The following SRPRA variants were observed in gnomAD, a reference collection of about 807,000 sequenced individuals.
The protein encoded by SRPRA is signal recognition particle receptor subunit alpha.
A neutral mutation model predicts 61.1 loss-of-function variants in SRPRA; 30 were observed. The observed-to-expected ratio is 0.49, with a 90% CI of 0.37 to 0.67. The LOEUF (loss-of-function observed/expected upper bound fraction) is 0.67, where lower values mean the gene tolerates loss of function less well. Among genes scored for constraint, SRPRA ranks in the 30% least tolerant of loss-of-function variants. The pLI is 0.00. For missense variants in SRPRA, 759 were observed against 828.4 expected (o/e 0.92, Z 1.03); for synonymous variants, 324 against 299.7 (o/e 1.08, Z -0.84).
the SRPRA span, among the ~76,000 whole-genome samples, chr11:126,245,894 G>A: frequency 6.6e-6 from 1 of 151,780 alleles, no homozygotes; most frequent in Non-Finnish European, 1.5e-5. Flanking sequence ...TACTGGGGAG[G>A]CTGAGGCAGG....
the SRPRA span, among the ~76,000 whole-genome samples, chr11:126,237,601 C>T: frequency 1.5e-4 from 20 of 132,868 alleles, no homozygotes; most frequent in Non-Finnish European, 2.2e-4. Context: ...CTTTGGGAGG[C>T]TGAGGTGGGC....
chr11:126,264,549 G>T lies in SRPRA; in HGVS notation c.1526-10C>A. On this transcript the variant is annotated splice_polypyrimidine_tract_variant and intron_variant, in intron 11 of 13. Transcript: ENST00000332118. This position sits in a 1 kb window ranked among gnomAD's most constrained non-coding sequence, Gnocchi z 5.0. ...AAGCCTTGGTTACGTGCTAGAGAAA[G>T]AAAGTAGTCAACTCTGAACACCTGG... 6.2e-7 allele frequency: 1 copy of T among 1,612,028 alleles called. No homozygotes were observed. The highest frequency in any genetic ancestry group is 8.5e-7 in the Non-Finnish European group (1 of 1,179,836).
Position 126,266,029 on chromosome 11 carries a change from C to G in SRPRA, c.985G>C (p.Gly329Arg). Reference sequence around the variant, plus strand: ...TCTTCACGACTCAAGCTCTTTGAACCCACAAGGCCCTTCAGCATACCAAAC... The same window carrying G: ...TCTTCACGACTCAAGCTCTTTGAACGCACAAGGCCCTTCAGCATACCAAAC... ...GMFGMLKGLV[G>R]SKSLSREDME... Residue 329 changes from glycine to arginine, a missense_variant, in exon 8 of 14, where the codon GGT (glycine) becomes CGT (arginine). By Grantham distance (125) the Gly-to-Arg change is moderately radical (BLOSUM62 -2). Around this residue, in one of 2 missense-constraint regions of SRPRA, gnomAD observed 475 missense variants for 462.5 expected, o/e 1.03. Coordinates refer to ENST00000332118, the MANE Select transcript of SRPRA (RefSeq NM_003139.4). 1 of 1,614,176 alleles carries G rather than the reference C, an allele frequency of 6.2e-7. No homozygotes were observed. Among genetic ancestry groups the G allele is most frequent in the South Asian group, 1.1e-5 (1 of 91,082 alleles).
Position 126,264,367 on chromosome 11 carries a change from C to G in SRPRA, c.1689+9G>C. On this transcript the variant is annotated intron_variant, in intron 12 of 13. Coordinates refer to ENST00000332118, the MANE Select transcript of SRPRA (RefSeq NM_003139.4). The surrounding 1 kb of genome is among the most constrained non-coding windows in gnomAD (Gnocchi z 5.0). The stretch of plus-strand genomic sequence containing the variant: ...CAAGTTGTAAAGGGAACTGGGCCCA[C>G]GCTCTCACCAGCTGGTCCACGGCTT... The G allele has an allele frequency of 1.2e-6, 2 of 1,614,126 alleles. No individual in the cohort carries two copies. The highest frequency in any genetic ancestry group is 1.7e-6 in the Non-Finnish European group (2 of 1,179,992).
chr11:126,264,852 G>A lies in SRPRA; in HGVS notation c.1525+107C>T. 1 of 1,096,374 alleles carries A rather than the reference G, an allele frequency of 9.1e-7. No individual in the cohort carries two copies. Among genetic ancestry groups the A allele is most frequent in the East Asian group, 2.6e-5 (1 of 38,968 alleles). The allele number at this position is 1,096,374 out of a possible 1,614,324, so 67.9% of individuals were successfully genotyped here. A position where few individuals can be genotyped will look rare whatever the true frequency, so the allele number is the denominator to read the frequency against. The stretch of plus-strand genomic sequence containing the variant: ...ACTGATCTGACTTTTTACTGTAATT[G>A]ACCAACGAGTCTGTAGTAGCACAAG... On this transcript the variant is annotated intron_variant, in intron 11 of 13. Coordinates refer to ENST00000332118, the MANE Select transcript of SRPRA (RefSeq NM_003139.4). This position sits in a 1 kb window ranked among gnomAD's most constrained non-coding sequence, Gnocchi z 5.0.
At chr11:126,241,725 T>G in the SRPRA span, among the ~76,000 whole-genome samples, 1 of 152,114 alleles carries the variant, frequency 6.6e-6, no homozygotes, top group African/African-American at 2.4e-5. Flanking sequence ...AATTTTTGTA[T>G]TTTTAGTAGA....
chr11:126,241,865 A>T, the SRPRA span, among the ~76,000 whole-genome samples: 1 of 151,958 alleles, frequency 6.6e-6, no homozygotes, highest in African/African-American at 2.4e-5. Flanking sequence ...TAAAATCTTA[A>T]AAATCAGGCT....
the SRPRA span, among the ~76,000 whole-genome samples, chr11:126,237,676 C>G: frequency 2.1e-5 from 1 of 46,514 alleles, no homozygotes; most frequent in African/African-American, 8.8e-5. Context: ...AACCCTGTCT[C>G]TACTAAAAAA....
the SRPRA span, chr11:126,245,201 ACT>A: frequency 6.6e-6 from 1 of 151,422 alleles, no homozygotes; most frequent in Non-Finnish European, 1.5e-5. Context: ...GCAGGTCAAA[ACT>A]CTCATGCTGA....
chr11:126,265,075 C>T lies in SRPRA; in HGVS notation c.1409G>A (p.Arg470Gln), dbSNP rs865950252. The T allele has an allele frequency of 1.4e-5, 22 of 1,614,016 alleles. No individual in the cohort carries two copies. Among genetic ancestry groups the T allele is most frequent in the African/African-American group, 2.7e-5 (2 of 74,890 alleles). The change falls in exon 11 of 14, where the codon CGG becomes CAG. Residue 470 changes from arginine (R) to glutamine (Q), a missense_variant. This residue lies in a region of SRPRA where 284 missense variants were observed against 365.9 expected (regional missense o/e 0.78). Transcript: ENST00000332118. This position sits in a 1 kb window ranked among gnomAD's most constrained non-coding sequence, Gnocchi z 6.3. Reference sequence around the variant, plus strand: ...TGGAGGGTGTAGGGCACTCAAACGCCGGGTGTGTGTACGCAGCTGCTCCAC... The same window carrying T: ...TGGAGGGTGTAGGGCACTCAAACGCTGGGTGTGTGTACGCAGCTGCTCCAC... ...GAVEQLRTHT[R>Q]RLSALHPPEK...
the SRPRA span, among the ~76,000 whole-genome samples, chr11:126,249,731 CAAA>C: frequency 7.6e-5 from 6 of 79,012 alleles, no homozygotes; most frequent in African/African-American, 1.5e-4. Context: ...GACTCCGTCT[CAAA>C]AAAAAAAAAA....
downstream of SRPRA, chr11:126,262,097 T>C (rs751780681): frequency 1.9e-6 from 3 of 1,614,042 alleles, no homozygotes; most frequent in East Asian, 6.7e-5. Context: ...CTTCATTTTG[T>C]TCTCTTTTCT....
At chr11:126,266,944 G>T in intron 4 of SRPRA, 22 bp from the exon 5 acceptor site, 1 of 1,601,722 alleles carries the variant, frequency 6.2e-7, no homozygotes, top group Non-Finnish European at 8.5e-7. Flanking sequence ...AAAACTCACT[G>T]AAGAAAAAAG....
chr11:126,251,329 T>C, the SRPRA span, among the ~76,000 whole-genome samples: 2 of 152,256 alleles, frequency 1.3e-5, no homozygotes, highest in African/African-American at 2.4e-5. Flanking sequence ...TCCTACACTT[T>C]GTTTTCCTCA....
At chr11:126,247,454 C>T in the SRPRA span, among the ~76,000 whole-genome samples, 2 of 152,160 alleles carry the variant, frequency 1.3e-5, no homozygotes, top group African/African-American at 4.8e-5. Flanking sequence ...AGGTTTTAAC[C>T]TTTTCTATTC....
chr11:126,249,502 G>A, the SRPRA span, among the ~76,000 whole-genome samples: 11 of 151,990 alleles, frequency 7.2e-5, no homozygotes, highest in Non-Finnish European at 1.2e-4. Context: ...GGAGGCTGAG[G>A]TGAGTGGATC....
the SRPRA span, among the ~76,000 whole-genome samples, chr11:126,245,865 G>A: frequency 0.055 from 8,376 of 151,738 alleles, 367 homozygotes; most frequent in East Asian, 0.18. Context: ...GCGTGGTGGC[G>A]CATGCCTGTA....
downstream of SRPRA, among the ~76,000 whole-genome samples, chr11:126,259,426 T>C (rs1334827919): frequency 1.2e-5 from 1 of 82,842 alleles, no homozygotes; most frequent in Non-Finnish European, 2.5e-5. Context: ...GTTGTGGTAC[T>C]TTTTTTTTTT....
At chr11:126,239,294 G>A in the SRPRA span, among the ~76,000 whole-genome samples, 1 of 151,968 alleles carries the variant, frequency 6.6e-6, no homozygotes, top group Non-Finnish European at 1.5e-5. Context: ...AAGAATTATA[G>A]TTCAAATCTG....
Sources: allele counts gnomAD v4.1 joint callset (sites outside exome capture counted in the v4.1 genomes callset), GRCh38; gene constraint gnomAD v4.1.1; regional missense constraint gnomAD v4.1.1; non-coding constraint Gnocchi (gnomAD v3.1); transcripts MANE v1.5; gene names NCBI Gene and HGNC (gene_info 2026-07-23, HGNC 2026-07-21).